The following SLC25A21 variants were observed in gnomAD, a reference collection of about 807,000 sequenced individuals.
The protein encoded by SLC25A21 is mitochondrial 2-oxodicarboxylate carrier.
A neutral mutation model predicts 43.8 loss-of-function variants in SLC25A21; 47 were observed. The ratio of observed to expected loss-of-function variants is 1.07; its 90% CI spans 0.85 to 1.37. The LOEUF (loss-of-function observed/expected upper bound fraction) is 1.37. Ranked by LOEUF, SLC25A21 falls within the 40% of genes most tolerant of loss-of-function variation. SLC25A21 has a pLI of 0.00. For synonymous variants in SLC25A21, 131 were observed against 121.3 expected (o/e 1.08, Z -0.52); for missense variants, 352 against 350.2 (o/e 1.00, Z -0.04).
intron 1 of SLC25A21, among the ~76,000 whole-genome samples, chr14:36,897,272 G>T (rs191112848): frequency 6.6e-6 from 1 of 151,724 alleles, no homozygotes; most frequent in African/African-American, 2.4e-5. Flanking sequence ...TTCTCTTCTC[G>T]CTTCTTTTCA....
At chr14:36,967,231 G>C (rs1959637811) in intron 1 of SLC25A21, among the ~76,000 whole-genome samples, 1 of 152,148 alleles carries the variant, frequency 6.6e-6, no homozygotes, top group Admixed American at 6.5e-5. Flanking sequence ...GGGAGAAACA[G>C]ACCTTCCTCG....
intron 3 of SLC25A21, among the ~76,000 whole-genome samples, chr14:36,794,808 A>C (rs1056258197): frequency 2.0e-5 from 3 of 152,056 alleles, no homozygotes; most frequent in African/African-American, 7.2e-5. Flanking sequence ...ACTCTTCTCC[A>C]AGGAATAAAA....
intron 1 of SLC25A21, among the ~76,000 whole-genome samples, chr14:36,917,586 T>C (rs1197699082): frequency 6.6e-6 from 1 of 152,148 alleles, no homozygotes; most frequent in African/African-American, 2.4e-5. Context: ...AATTTGATAA[T>C]GCTGAAAGAT....
At chr14:36,759,394 T>C (rs1017104108) in intron 3 of SLC25A21, among the ~76,000 whole-genome samples, 1 of 152,214 alleles carries the variant, frequency 6.6e-6, no homozygotes, top group African/African-American at 2.4e-5. Context: ...CATCTCCGTT[T>C]TGTCGTTCTT....
chr14:36,756,831 T>C (rs1885951075), intron 3 of SLC25A21, among the ~76,000 whole-genome samples: 1 of 152,192 alleles, frequency 6.6e-6, no homozygotes, highest in Admixed American at 6.5e-5. Flanking sequence ...GGATGGAAAG[T>C]GTGAAATAAA....
In SLC25A21 at chr14:36,710,327, T is replaced by C. The variant is rs142625261; in HGVS notation, c.603+991A>G. ...GGCGGAGGTTGCAGTGAACTGAGAT[T>C]GCACCATTGTACTCCAGCCTGGGTG... On this transcript the variant is annotated intron_variant, in intron 7 of 9. Transcript: ENST00000331299. 5.3e-5 allele frequency among the ~76,000 whole-genome samples: 8 copies of C among 150,322 alleles called. 1 individual carries two copies. The East Asian group carries it at 1.6e-3, about 29-fold the overall frequency.
chr14:36,744,514 T>A (rs964409198), intron 3 of SLC25A21, among the ~76,000 whole-genome samples: 3 of 152,104 alleles, frequency 2.0e-5, no homozygotes. Flanking sequence ...GACCCCTATC[T>A]CTCACCATAT....
intron 2 of SLC25A21, among the ~76,000 whole-genome samples, chr14:36,856,389 C>T (rs1199868343): frequency 2.6e-5 from 4 of 152,126 alleles, no homozygotes; most frequent in South Asian, 2.1e-4. Flanking sequence ...ATCTGGATCT[C>T]GAGCATTAAG....
At chr14:37,138,491 A>C (rs1324130152) in intron 1 of SLC25A21, among the ~76,000 whole-genome samples, 1 of 152,154 alleles carries the variant, frequency 6.6e-6, no homozygotes, top group Admixed American at 6.5e-5. Context: ...TCCATAGCAA[A>C]GTGATTTTTA....
chr14:37,145,476 C>CACACACACACAG (rs780734735), intron 1 of SLC25A21, among the ~76,000 whole-genome samples: 11 of 143,674 alleles, frequency 7.7e-5, no homozygotes, highest in African/African-American at 1.8e-4. Flanking sequence ...CACACACACA[C>CACACACACACAG]AGAGAGATGA....
At chr14:37,066,151 C>T (rs1367081865) in intron 1 of SLC25A21, among the ~76,000 whole-genome samples, 1 of 152,140 alleles carries the variant, frequency 6.6e-6, no homozygotes, top group Non-Finnish European at 1.5e-5. Flanking sequence ...CCAGATATGA[C>T]ACTCGGAGAA....
chr14:36,818,483 C>G (rs1159313009), intron 2 of SLC25A21, among the ~76,000 whole-genome samples: 1 of 152,220 alleles, frequency 6.6e-6, no homozygotes, highest in Non-Finnish European at 1.5e-5. Context: ...GGCATGGTAA[C>G]TGCTAATGCC....
intron 1 of SLC25A21, among the ~76,000 whole-genome samples, chr14:36,963,157 C>T (rs1436869302): frequency 6.6e-6 from 1 of 151,702 alleles, no homozygotes; most frequent in East Asian, 1.9e-4. Context: ...AAAATAGGAC[C>T]CCCTTTCCAC....
intron 1 of SLC25A21, among the ~76,000 whole-genome samples, chr14:37,120,276 ATG>A (rs1963183767): frequency 6.6e-6 from 1 of 152,192 alleles, no homozygotes; most frequent in Admixed American, 6.5e-5. Flanking sequence ...TTTAATCAAC[ATG>A]TGTTTTAAAC....
At chr14:37,122,615 C>A (rs747541677) in intron 1 of SLC25A21, among the ~76,000 whole-genome samples, 9 of 137,554 alleles carry the variant, frequency 6.5e-5, no homozygotes, top group Non-Finnish European at 9.3e-5. Flanking sequence ...TGAATGTACA[C>A]ATGTAAAGAA....
chr14:36,911,388 G>A (rs1426143245), intron 1 of SLC25A21, among the ~76,000 whole-genome samples: 3 of 152,116 alleles, frequency 2.0e-5, no homozygotes, highest in Non-Finnish European at 4.4e-5. Flanking sequence ...GGCAGCGTTC[G>A]GATCCCATCC....
At chr14:36,742,213 T>G (rs893053589) in intron 3 of SLC25A21, among the ~76,000 whole-genome samples, 2 of 152,200 alleles carry the variant, frequency 1.3e-5, no homozygotes, top group Non-Finnish European at 1.5e-5. Context: ...TTTAAGGATC[T>G]CCTAATACAA....
intron 7 of SLC25A21, among the ~76,000 whole-genome samples, chr14:36,692,512 CCTGG>C (rs549968569): frequency 6.2e-4 from 95 of 152,348 alleles, no homozygotes; most frequent in Non-Finnish European, 1.2e-3. Context: ...TTTTACCTTT[CCTGG>C]CATGGGCTCT....
Position 36,679,671 on chromosome 14 carries a change from G to GAAGT in SLC25A21, c.*983_*986dup, listed in dbSNP as rs1264444840. On this transcript the variant is annotated 3_prime_UTR_variant, in exon 10 of 10. Transcript: ENST00000331299. ...ACTGCAGACAGCTGACTTCCCACCT[G>GAAGT]AAGTTGTCGTTTAAAACTAATAACC... The GAAGT allele has an allele frequency of 3.0e-6, 3 of 985,226 alleles. No homozygotes were observed. The highest frequency in any genetic ancestry group is 3.6e-6 in the Non-Finnish European group (3 of 829,892). The allele number at this position is 985,226 out of a possible 1,614,324, so 61.0% of individuals were successfully genotyped here.
Sources: gnomAD v4.1 joint callset for allele counts (sites outside exome capture counted in the v4.1 genomes callset) on GRCh38, gnomAD v4.1.1 for gene constraint, MANE v1.5 for transcripts, NCBI Gene and HGNC (gene_info 2026-07-23, HGNC 2026-07-21) for gene names.